Variants in FRMD5 observed in about 807,000 individuals in gnomAD.
FRMD5 encodes FERM domain containing 5.
Under a neutral mutation model 69.0 loss-of-function variants are expected in FRMD5, and 20 were observed. The observed-to-expected ratio is 0.29, with a 90% CI of 0.20 to 0.42. FRMD5 has a LOEUF of 0.42. Ranked by LOEUF, FRMD5 falls within the 10% of genes least tolerant of loss-of-function variation. The pLI is 1.00. For synonymous variants in FRMD5, 271 were observed against 260.1 expected, an observed-to-expected ratio of 1.04 and a Z score of -0.40; for missense variants, 595 against 708.6, an observed-to-expected ratio of 0.84 and a Z score of 1.82.
intron 1 of FRMD5, among the ~76,000 whole-genome samples, chr15:44,153,055 A>G (rs966278279): frequency 6.6e-6 from 1 of 152,242 alleles, no homozygotes; most frequent in Admixed American, 6.5e-5. Flanking sequence ...TCAAGAAAAG[A>G]GAAGACAAAT....
chr15:43,948,544 G>A (rs773234854), intron 1 of FRMD5, among the ~76,000 whole-genome samples: 3 of 152,070 alleles, frequency 2.0e-5, no homozygotes, highest in Admixed American at 6.6e-5. Flanking sequence ...GGAACATTTC[G>A]GTAATTTGGT....
intron 1 of FRMD5, among the ~76,000 whole-genome samples, chr15:43,937,890 T>C (rs549761688): frequency 6.6e-6 from 1 of 152,118 alleles, no homozygotes; most frequent in African/African-American, 2.4e-5. Context: ...ACAGGACCCC[T>C]AGTGGGGACC....
intron 1 of FRMD5, among the ~76,000 whole-genome samples, chr15:44,089,138 C>G (rs927994528): frequency 1.3e-5 from 2 of 152,192 alleles, no homozygotes; most frequent in African/African-American, 2.4e-5. Flanking sequence ...CAGGAGGGGA[C>G]AGAAAGATGG....
At chr15:43,988,938 CTGA>C in intron 1 of FRMD5, 1 of 562,482 alleles carries the variant, frequency 1.8e-6, no homozygotes, top group Non-Finnish European at 3.4e-6. Flanking sequence ...TTTTTAAATC[CTGA>C]GTCGAGCCAA....
intron 1 of FRMD5, among the ~76,000 whole-genome samples, chr15:44,017,692 G>A (rs183540603): frequency 7.4e-5 from 11 of 148,780 alleles, no homozygotes; most frequent in South Asian, 2.2e-4. Context: ...TGCAAGCTCC[G>A]TCTCCCGGGT....
At chr15:43,914,111 A>C (rs950744883) in intron 4 of FRMD5, among the ~76,000 whole-genome samples, 50 of 152,212 alleles carry the variant, frequency 3.3e-4, no homozygotes, top group Non-Finnish European at 4.9e-4. Flanking sequence ...TGCCAGGGAA[A>C]ACCTGAGCTT....
At chr15:44,186,908 C>T (rs184720082) in intron 1 of FRMD5, among the ~76,000 whole-genome samples, 48 of 152,312 alleles carry the variant, frequency 3.2e-4, no homozygotes, top group Non-Finnish European at 2.4e-4. Flanking sequence ...CTGGGAACTT[C>T]GAAGCTGTCA....
intron 1 of FRMD5, among the ~76,000 whole-genome samples, chr15:44,052,798 C>T (rs1235052757): frequency 2.0e-5 from 3 of 152,014 alleles, no homozygotes; most frequent in African/African-American, 7.3e-5. Context: ...CAGAAAGGGC[C>T]TTAGAGAATA....
In FRMD5 at chr15:43,932,367, C is replaced by T. The variant is rs559256293; in HGVS notation, c.103-8058G>A. On this transcript the variant is annotated intron_variant, in intron 1 of 13. Transcript: ENST00000417257. ...AAGTGGCTCTTAAAGTACAAATCTG[C>T]GTCTTCTTCTTACCCAAGGCTATTT... Among the ~76,000 whole-genome samples, 14 of 152,182 alleles carry T rather than the reference C, an allele frequency of 9.2e-5. No individual in the cohort carries two copies. The South Asian group carries it at 2.5e-3, about 27-fold the overall frequency.
chr15:43,985,574 C>A (rs972695412), intron 1 of FRMD5, among the ~76,000 whole-genome samples: 4 of 152,158 alleles, frequency 2.6e-5, no homozygotes, highest in Non-Finnish European at 5.9e-5. Context: ...AGGCCCCACC[C>A]AGGACCTTTA....
At chr15:43,964,213 G>A (rs969169470) in intron 1 of FRMD5, among the ~76,000 whole-genome samples, 38 of 152,002 alleles carry the variant, frequency 2.5e-4, no homozygotes, top group Non-Finnish European at 4.3e-4. Context: ...TTTAAGAAAT[G>A]GCACACTAGT....
At chr15:44,187,868 C>T (rs2078128795) in intron 1 of FRMD5, among the ~76,000 whole-genome samples, 1 of 152,040 alleles carries the variant, frequency 6.6e-6, no homozygotes, top group Admixed American at 6.5e-5. Flanking sequence ...AGTGCCTGGC[C>T]CTGCTTTTGG....
intron 1 of FRMD5, among the ~76,000 whole-genome samples, chr15:44,040,471 C>A (rs1414639680): frequency 6.6e-6 from 1 of 152,274 alleles, no homozygotes; most frequent in East Asian, 1.9e-4. Context: ...GATCTCTTGA[C>A]AGAAACCCTA....
At chr15:43,933,503 G>C (rs2089709742) in intron 1 of FRMD5, among the ~76,000 whole-genome samples, 12 of 152,204 alleles carry the variant, frequency 7.9e-5, no homozygotes, top group Admixed American at 5.9e-4. Context: ...GCTGTTGCTG[G>C]TCTGGGGATT....
At position 43,873,481 on chromosome 15, in the gene FRMD5, T is replaced by C; in HGVS notation, c.*404A>G. ...CAGAATACAGAGGACAGCAGCTCTC[T>C]AGTTTTCAACTAGTGTCCCCTCTGC... On this transcript the variant is annotated 3_prime_UTR_variant, in exon 14 of 14. Transcript: ENST00000417257. 35 of 1,422,370 alleles carry C rather than the reference T, an allele frequency of 2.5e-5. No homozygotes were observed. Among genetic ancestry groups the C allele is most frequent in the Non-Finnish European group, 3.2e-5 (35 of 1,099,370 alleles). 88.1% of individuals were successfully genotyped at this position (1,422,370 alleles called of 1,614,324 possible).
chr15:44,108,699 C>T (rs911913120), intron 1 of FRMD5, among the ~76,000 whole-genome samples: 11 of 151,910 alleles, frequency 7.2e-5, no homozygotes, highest in African/African-American at 2.2e-4. Flanking sequence ...CAGTGGCTCA[C>T]GCCTGTAATC....
chr15:43,912,744 G>A (rs189860714), intron 4 of FRMD5, among the ~76,000 whole-genome samples: 36 of 151,896 alleles, frequency 2.4e-4, no homozygotes, highest in African/African-American at 8.4e-4. Flanking sequence ...TGGGCCGGGC[G>A]CGGTGGCTCA....
intron 7 of FRMD5, chr15:43,901,809 G>A (rs928033157): frequency 4.5e-6 from 1 of 221,934 alleles, no homozygotes; most frequent in South Asian, 8.0e-5. Flanking sequence ...CTCTCGGAAA[G>A]AAACTAGATT....
chr15:44,191,383 A>C (rs909829131), intron 1 of FRMD5, among the ~76,000 whole-genome samples: 3 of 151,992 alleles, frequency 2.0e-5, no homozygotes, highest in African/African-American at 7.2e-5. Context: ...GTCAAGAGAT[A>C]GAGACCATCC....
Sources: allele counts gnomAD v4.1 joint callset (sites outside exome capture counted in the v4.1 genomes callset), GRCh38; gene constraint gnomAD v4.1.1; transcripts MANE v1.5; gene names NCBI Gene and HGNC (gene_info 2026-07-23, HGNC 2026-07-21).